Variants in AUTS2 observed in about 807,000 individuals in gnomAD.
AUTS2 encodes autism susceptibility gene 2 protein.
In AUTS2, 17 loss-of-function variants were observed where a neutral mutation model predicts 112.4. The observed-to-expected ratio is 0.15, with a 90% CI of 0.10 to 0.23. AUTS2 has a LOEUF of 0.23. Ranked by LOEUF, AUTS2 falls within the 10% of genes least tolerant of loss-of-function variation. The probability of loss-of-function intolerance (pLI) is 1.00; values close to 1 mark genes in which losing one functional copy is unlikely to be tolerated. For missense variants in AUTS2, 1,510 were observed against 1,701.6 expected (o/e 0.89, Z 1.98); for synonymous variants, 751 against 702.7 (o/e 1.07, Z -1.09).
At position 70,453,271 on chromosome 7, in the gene AUTS2, A is replaced by G. The variant is rs535134420; in HGVS notation, c.690+17490A>G. Among the ~76,000 whole-genome samples the G allele has an allele frequency of 3.9e-5, 6 of 152,348 alleles. No homozygotes were observed. In the East Asian group the frequency reaches 1.2e-3, roughly 29 times the overall value. ...TTTAATGATAGCGTTGCTGTCTAAA[A>G]GATGACGGGGGAGACTTCTCAGCGT... On this transcript the variant is annotated intron_variant, in intron 5 of 18. Coordinates refer to ENST00000342771, the MANE Select transcript of AUTS2 (RefSeq NM_015570.4).
chr7:70,534,916 AT>A (rs1356539446), intron 5 of AUTS2, among the ~76,000 whole-genome samples: 1 of 152,106 alleles, frequency 6.6e-6, no homozygotes, highest in Non-Finnish European at 1.5e-5. Context: ...TGAAAAAAAA[AT>A]GTATATTTTT....
At position 69,717,461 on chromosome 7, in the gene AUTS2, C is replaced by T. The variant is rs116119500; in HGVS notation, c.309+117499C>T. ...TGTGGAAACTTTATAGCATTTCAGC[C>T]GTTCTAATCTGTGCAGGCACAGAGC... On this transcript the variant is annotated intron_variant, in intron 1 of 18. Coordinates refer to ENST00000342771, the MANE Select transcript of AUTS2 (RefSeq NM_015570.4). Among the ~76,000 whole-genome samples the T allele has an allele frequency of 2.1e-3, 323 of 152,210 alleles. 1 individual carries two copies. The highest frequency in any genetic ancestry group is 6.8e-3 in the African/African-American group (284 of 41,530).
chr7:70,605,546 C>CTTTTTTTTTTTTTTTTTTTTTTTTTTT, intron 5 of AUTS2, among the ~76,000 whole-genome samples: 5 of 70,664 alleles, frequency 7.1e-5, no homozygotes, highest in African/African-American at 2.0e-4. Context: ...CCTTCTTTCT[C>CTTTTTTTTTTTTTTTTTTTTTTTTTTT]TTTTTTTTTT....
At chr7:70,721,827 G>T (rs1786698354) in intron 6 of AUTS2, among the ~76,000 whole-genome samples, 1 of 152,082 alleles carries the variant, frequency 6.6e-6, no homozygotes, top group Non-Finnish European at 1.5e-5. Flanking sequence ...TTCTACATTT[G>T]CTTTAGCTCT....
In AUTS2 at chr7:70,206,381, T is replaced by C. The variant is rs74367204; in HGVS notation, c.660+71810T>C. ...TTTCTATCTGTTTTTTGTTTTTTTT[T>C]CCTAGCATTTTACTTTATTGTTACA... On this transcript the variant is annotated intron_variant, in intron 4 of 18. Transcript: ENST00000342771. 6.1e-4 allele frequency among the ~76,000 whole-genome samples: 93 copies of C among 152,248 alleles called. No homozygotes were observed. The East Asian group carries it at 0.016, about 26-fold the overall frequency.
At chr7:70,729,311 C>G (rs1787224807) in intron 6 of AUTS2, 5 of 381,838 alleles carry the variant, frequency 1.3e-5, no homozygotes, top group Non-Finnish European at 2.1e-5. Flanking sequence ...TGGTCAGGAG[C>G]CCGGCAGCCC....
At chr7:70,524,940 G>A (rs900593646) in intron 5 of AUTS2, among the ~76,000 whole-genome samples, 1 of 152,152 alleles carries the variant, frequency 6.6e-6, no homozygotes, top group African/African-American at 2.4e-5. Context: ...AAATGGAGGT[G>A]GGGAAGGATC....
chr7:70,656,064 G>A (rs1806754456), intron 5 of AUTS2, among the ~76,000 whole-genome samples: 2 of 151,902 alleles, frequency 1.3e-5, no homozygotes, highest in Non-Finnish European at 2.9e-5. Flanking sequence ...TCTTTTTGGG[G>A]AATATTTATG....
At chr7:70,473,536 G>A (rs1479593947) in intron 5 of AUTS2, among the ~76,000 whole-genome samples, 2 of 152,172 alleles carry the variant, frequency 1.3e-5, no homozygotes, top group East Asian at 3.9e-4. Flanking sequence ...TAATGAAATG[G>A]CATGAATCTG....
intron 1 of AUTS2, among the ~76,000 whole-genome samples, chr7:69,611,307 TG>T (rs1793020762): frequency 6.6e-6 from 1 of 152,110 alleles, no homozygotes; most frequent in Admixed American, 6.5e-5. Context: ...TAGAGCCACC[TG>T]GGGAGGGAGC....
At chr7:69,717,598 ATT>A (rs35565055) in intron 1 of AUTS2, among the ~76,000 whole-genome samples, 1 of 152,052 alleles carries the variant, frequency 6.6e-6, no homozygotes, top group East Asian at 1.9e-4. Flanking sequence ...AGGAAAAAAA[ATT>A]TTTTTTGAAG....
intron 6 of AUTS2, among the ~76,000 whole-genome samples, chr7:70,750,070 A>G (rs1182060208): frequency 6.6e-6 from 1 of 152,214 alleles, no homozygotes; most frequent in Non-Finnish European, 1.5e-5. Flanking sequence ...AGAGTGGTCC[A>G]CATGCCTGGG....
chr7:70,219,468 T>G (rs975920034), intron 4 of AUTS2, among the ~76,000 whole-genome samples: 1 of 152,046 alleles, frequency 6.6e-6, no homozygotes, highest in Non-Finnish European at 1.5e-5. Flanking sequence ...TGTATAGACA[T>G]CACAGTAAAA....
intron 1 of AUTS2, among the ~76,000 whole-genome samples, chr7:69,884,559 C>G (rs1562949347): frequency 6.6e-6 from 1 of 152,272 alleles, no homozygotes; most frequent in Non-Finnish European, 1.5e-5. Context: ...TAAACTTTGC[C>G]ATTAACCCAG....
At chr7:70,439,151 T>G (rs1269964114) in intron 5 of AUTS2, among the ~76,000 whole-genome samples, 1 of 152,224 alleles carries the variant, frequency 6.6e-6, no homozygotes, top group East Asian at 1.9e-4. Flanking sequence ...AAGGCTTTGA[T>G]GAGACACTGA....
chr7:70,219,224 T>C (rs1811340014), intron 4 of AUTS2, among the ~76,000 whole-genome samples: 1 of 152,212 alleles, frequency 6.6e-6, no homozygotes, highest in African/African-American at 2.4e-5. Context: ...TTGCTAGTGA[T>C]ACATTTTTAT....
At chr7:70,345,338 G>A (rs542631048) in intron 4 of AUTS2, among the ~76,000 whole-genome samples, 13 of 152,218 alleles carry the variant, frequency 8.5e-5, no homozygotes, top group African/African-American at 2.9e-4. Flanking sequence ...TTTGTTCAAC[G>A]CTGGTGAAAC....
intron 5 of AUTS2, 92 bp from the exon 6 acceptor site, chr7:70,698,477 G>A: frequency 8.9e-7 from 1 of 1,125,298 alleles, no homozygotes; most frequent in Non-Finnish European, 1.3e-6. Flanking sequence ...TTCGTAAAAT[G>A]TAGTCAACTG....
In AUTS2 at chr7:70,053,544, G is replaced by GTTTTTTTTTTT. The variant is rs200867539; in HGVS notation, c.523-64586_523-64576dup. 6.3e-5 allele frequency among the ~76,000 whole-genome samples: 8 copies of GTTTTTTTTTTT among 127,832 alleles called. No individual in the cohort carries two copies. In the South Asian group the frequency reaches 1.2e-3, roughly 20 times the overall value. The allele number at this position is 127,832 out of a possible 152,430, so 83.9% of individuals were successfully genotyped here. A position where few individuals can be genotyped will look rare whatever the true frequency, so the allele number is the denominator to read the frequency against. On this transcript the variant is annotated intron_variant, in intron 2 of 18. Transcript: ENST00000342771. ...ATTGTGGCAACCACTGTTTTGGGTG[G>GTTTTTTTTTTT]TTTTTTTTTTTTGGAGACAGGATCT... is the stretch of plus-strand genomic sequence containing the variant.
Sources: gnomAD v4.1 joint callset for allele counts (sites outside exome capture counted in the v4.1 genomes callset) on GRCh38, gnomAD v4.1.1 for gene constraint, MANE v1.5 for transcripts, NCBI Gene and HGNC (gene_info 2026-07-23, HGNC 2026-07-21) for gene names.